The following VPS13B variants were observed in gnomAD, a reference collection of about 807,000 sequenced individuals.
VPS13B encodes the protein intermembrane lipid transfer protein VPS13B.
VPS13B carries 285 observed loss-of-function variants against 426.4 expected under a neutral mutation model. That is an observed-to-expected ratio of 0.67 (90% CI 0.61 to 0.74). The LOEUF (loss-of-function observed/expected upper bound fraction) is 0.74. Ranked by LOEUF, VPS13B falls within the 30% of genes least tolerant of loss-of-function variation. The pLI is 0.00. For missense variants in VPS13B, 4,537 were observed against 4,782.6 expected (o/e 0.95, Z 1.51); for synonymous variants, 1,676 against 1,676.4 (o/e 1.00, Z 0.01).
At chr8:99,752,611 G>C (rs1190832131) in intron 39 of VPS13B, among the ~76,000 whole-genome samples, 2 of 152,084 alleles carry the variant, frequency 1.3e-5, no homozygotes, top group African/African-American at 4.8e-5. Flanking sequence ...TGACATATGA[G>C]GAAGCTTTGT....
At chr8:99,345,115 T>G (rs1207122727) in intron 19 of VPS13B, among the ~76,000 whole-genome samples, 1 of 152,194 alleles carries the variant, frequency 6.6e-6, no homozygotes, top group African/African-American at 2.4e-5. Flanking sequence ...AATTTATCTT[T>G]TCTCCTTAAC....
intron 19 of VPS13B, among the ~76,000 whole-genome samples, chr8:99,317,509 C>T (rs1809736972): frequency 6.6e-6 from 1 of 152,008 alleles, no homozygotes; most frequent in African/African-American, 2.4e-5. Context: ...TTTTCATATA[C>T]ATTTGTGTGT....
At chr8:99,872,894 TCTCTAG>T (rs1484025892) in intron 61 of VPS13B, among the ~76,000 whole-genome samples, 1 of 152,200 alleles carries the variant, frequency 6.6e-6, no homozygotes, top group Non-Finnish European at 1.5e-5. Context: ...TCTTAAGATT[TCTCTAG>T]TTTCTTGGAT....
chr8:99,082,113 T>G (rs933133275), intron 3 of VPS13B, among the ~76,000 whole-genome samples: 1 of 152,208 alleles, frequency 6.6e-6, no homozygotes, highest in Non-Finnish European at 1.5e-5. Flanking sequence ...CCACATCCTC[T>G]CCAGCACCTG....
intron 3 of VPS13B, among the ~76,000 whole-genome samples, chr8:99,068,673 A>T (rs1189368085): frequency 1.3e-5 from 2 of 152,226 alleles, no homozygotes; most frequent in Admixed American, 6.5e-5. Context: ...TTATGGCAGA[A>T]GGCGAAGGGA....
intron 19 of VPS13B, among the ~76,000 whole-genome samples, chr8:99,325,745 G>A (rs371195434): frequency 6.6e-6 from 1 of 151,842 alleles, no homozygotes; most frequent in South Asian, 2.1e-4. Flanking sequence ...TCACTTTTGG[G>A]ATATCAGCTT....
chr8:99,845,832 G>A (rs1815953858), intron 54 of VPS13B, among the ~76,000 whole-genome samples: 1 of 152,160 alleles, frequency 6.6e-6, no homozygotes, highest in African/African-American at 2.4e-5. Flanking sequence ...TAGATGGAGA[G>A]ATATGTAAGT....
At chr8:99,494,961 A>T (rs914128686) in intron 25 of VPS13B, among the ~76,000 whole-genome samples, 2 of 151,658 alleles carry the variant, frequency 1.3e-5, no homozygotes, top group African/African-American at 2.4e-5. Flanking sequence ...AATATTTGTT[A>T]AGTCAAACAC....
chr8:99,815,027 GC>G (rs1237183134), intron 44 of VPS13B, among the ~76,000 whole-genome samples: 2 of 144,406 alleles, frequency 1.4e-5, no homozygotes, highest in Admixed American at 7.3e-5. Flanking sequence ...AGTCACAGTA[GC>G]ACCTACTTTA....
chr8:99,431,457 A>C lies in VPS13B; in HGVS notation c.3083-80A>C, dbSNP rs552586962. ...TATAATTTTAAGCAAGGAAAGAAAC[A>C]ATCTTGAAAATACGTTTGGTATGTT... On this transcript the variant is annotated intron_variant, in intron 21 of 61. Coordinates refer to ENST00000357162, the MANE Select transcript of VPS13B (RefSeq NM_152564.5). The C allele has an allele frequency of 7.3e-5, 111 of 1,528,774 alleles. No homozygotes were observed. In the African/African-American group the frequency reaches 1.5e-3, roughly 20 times the overall value. 94.7% of individuals were successfully genotyped at this position (1,528,774 alleles called of 1,614,324 possible).
At chr8:99,559,780 A>G (rs370579626) in intron 31 of VPS13B, among the ~76,000 whole-genome samples, 3 of 152,130 alleles carry the variant, frequency 2.0e-5, no homozygotes, top group Non-Finnish European at 2.9e-5. Context: ...CTGTTTTGGT[A>G]CCAGTACCAT....
intron 3 of VPS13B, among the ~76,000 whole-genome samples, chr8:99,076,879 A>G (rs898555254): frequency 6.6e-6 from 1 of 152,022 alleles, no homozygotes; most frequent in Non-Finnish European, 1.5e-5. Flanking sequence ...TTTATAGGTG[A>G]GGACTTATTT....
intron 39 of VPS13B, among the ~76,000 whole-genome samples, chr8:99,727,715 A>G (rs971993406): frequency 6.6e-6 from 1 of 152,224 alleles, no homozygotes. Context: ...GGGAGTTACA[A>G]GATGAGATTT....
intron 19 of VPS13B, among the ~76,000 whole-genome samples, chr8:99,308,575 A>G (rs1167294394): frequency 2.0e-5 from 3 of 152,072 alleles, no homozygotes; most frequent in South Asian, 2.1e-4. Flanking sequence ...AATCCAGTCT[A>G]TCATTGTTGG....
At chr8:99,452,680 A>G (rs929274808) in intron 23 of VPS13B, among the ~76,000 whole-genome samples, 2 of 152,242 alleles carry the variant, frequency 1.3e-5, no homozygotes, top group Non-Finnish European at 2.9e-5. Context: ...AAAAAGCATT[A>G]CATAGATGAT....
At chr8:99,438,034 CTTTTTTT>C (rs746500253) in intron 22 of VPS13B, among the ~76,000 whole-genome samples, 4 of 120,604 alleles carry the variant, frequency 3.3e-5, no homozygotes, top group African/African-American at 9.3e-5. Flanking sequence ...TTCTTTTCCT[CTTTTTTT>C]TTTTTTTTTT....
At chr8:99,311,339 A>G (rs536559448) in intron 19 of VPS13B, among the ~76,000 whole-genome samples, 1 of 152,240 alleles carries the variant, frequency 6.6e-6, no homozygotes, top group South Asian at 2.1e-4. Flanking sequence ...ACACTGCTTC[A>G]GATGTGTCCC....
chr8:99,620,986 C>CAAAAAAA (rs397892235), intron 33 of VPS13B, among the ~76,000 whole-genome samples: 1 of 50,838 alleles, frequency 2.0e-5, no homozygotes, highest in Non-Finnish European at 4.0e-5. Context: ...AACTCCATCT[C>CAAAAAAA]AAAAAAAAAA....
intron 4 of VPS13B, among the ~76,000 whole-genome samples, chr8:99,102,139 T>G (rs1451814149): frequency 1.3e-5 from 2 of 152,104 alleles, no homozygotes; most frequent in Non-Finnish European, 2.9e-5. Flanking sequence ...AAAGAAAAAT[T>G]TTGGAGATTC....
Sources: gnomAD v4.1 joint callset for allele counts (sites outside exome capture counted in the v4.1 genomes callset) on GRCh38, gnomAD v4.1.1 for gene constraint, MANE v1.5 for transcripts, NCBI Gene and HGNC (gene_info 2026-07-23, HGNC 2026-07-21) for gene names.